Variants in ZC4H2 observed in about 807,000 individuals in gnomAD.
The protein encoded by ZC4H2 is zinc finger C4H2 domain-containing protein.
For synonymous variants in ZC4H2, 84 were observed against 66.3 expected, an observed-to-expected ratio of 1.27 and a Z score of -1.30; for missense variants, 137 against 173.9, an observed-to-expected ratio of 0.79 and a Z score of 1.19.
chrX:64,941,214 G>T (rs748340957), intron 1 of ZC4H2, among the ~76,000 whole-genome samples: 18 of 111,733 alleles, frequency 1.6e-4, no homozygotes, highest in Admixed American at 4.8e-4. Flanking sequence ...TTGGTGTATA[G>T]GAATGCTTGT....
At chrX:64,976,138 C>A (rs1931939138) in intron 1 of ZC4H2, among the ~76,000 whole-genome samples, 187 bp downstream of exon 1, 1 of 111,172 alleles carries the variant, frequency 9.0e-6, no homozygotes, top group Admixed American at 9.5e-5. Context: ...TCAGCCACAT[C>A]TGGCAAGAGG....
intron 1 of ZC4H2, among the ~76,000 whole-genome samples, chrX:65,004,195 A>G (rs12014422): frequency 0.12 from 13,858 of 111,521 alleles, 2,081 homozygotes; most frequent in African/African-American, 0.42. Flanking sequence ...TATTCCAAAC[A>G]GTAGAAATAG....
chrX:64,989,077 T>C (rs1473306239), intron 1 of ZC4H2, among the ~76,000 whole-genome samples: 2 of 111,994 alleles, frequency 1.8e-5, no homozygotes, highest in African/African-American at 6.5e-5. Flanking sequence ...CATTGATGTA[T>C]ATCTCTGTTT....
intron 1 of ZC4H2, among the ~76,000 whole-genome samples, chrX:64,968,014 T>A: frequency 9.0e-6 from 1 of 111,718 alleles, no homozygotes; most frequent in Admixed American, 9.5e-5. Flanking sequence ...AGAAAAGACA[T>A]TACCATGGGT....
At chrX:65,005,037 C>T (rs1047996352) in intron 1 of ZC4H2, among the ~76,000 whole-genome samples, 1 of 111,125 alleles carries the variant, frequency 9.0e-6, no homozygotes, top group African/African-American at 3.3e-5. Context: ...ATGTGAAGGA[C>T]CTCTTCAAAA....
At chrX:64,971,490 G>A (rs5964890) in intron 1 of ZC4H2, among the ~76,000 whole-genome samples, 2 of 111,504 alleles carry the variant, frequency 1.8e-5, no homozygotes, top group Non-Finnish European at 1.9e-5. Context: ...AGAGAAAGGG[G>A]AGTCAACATT....
At chrX:64,921,398 C>T (rs2147349227) in intron 2 of ZC4H2, among the ~76,000 whole-genome samples, 1 of 111,752 alleles carries the variant, frequency 8.9e-6, no homozygotes, top group East Asian at 2.8e-4. Context: ...AATGAGGAAG[C>T]TCCACTTTGG....
At chrX:64,950,345 C>T (rs751427205) in intron 1 of ZC4H2, among the ~76,000 whole-genome samples, 1 of 111,609 alleles carries the variant, frequency 9.0e-6, no homozygotes, top group Non-Finnish European at 1.9e-5. Flanking sequence ...GTGGAGAATT[C>T]TGTAGATGTC....
chrX:65,029,413 C>T (rs1363837054), intron 1 of ZC4H2, among the ~76,000 whole-genome samples: 1 of 111,404 alleles, frequency 9.0e-6, no homozygotes, highest in Non-Finnish European at 1.9e-5. Context: ...GAAATAGAGG[C>T]AGTGAATGTA....
chrX:64,992,110 G>T (rs1932320575), intron 1 of ZC4H2, among the ~76,000 whole-genome samples: 2 of 111,759 alleles, frequency 1.8e-5, no homozygotes, highest in South Asian at 7.5e-4. Context: ...CACTGAAAAT[G>T]TACTAAATTA....
chrX:65,011,247 A>G (rs1031556795), intron 1 of ZC4H2, among the ~76,000 whole-genome samples: 1 of 111,859 alleles, frequency 8.9e-6, no homozygotes, highest in Non-Finnish European at 1.9e-5. Context: ...GAGGCTCAAA[A>G]AGGTGAGTGA....
At chrX:64,963,989 A>C (rs1333816690) in intron 1 of ZC4H2, among the ~76,000 whole-genome samples, 2 of 111,280 alleles carry the variant, frequency 1.8e-5, no homozygotes, top group Non-Finnish European at 3.8e-5. Flanking sequence ...AAAATAGTCA[A>C]ATTCTTAGAA....
intron 1 of ZC4H2, among the ~76,000 whole-genome samples, chrX:64,955,695 T>G (rs1052727086): frequency 8.9e-6 from 1 of 112,015 alleles, no homozygotes; most frequent in African/African-American, 3.2e-5. Context: ...GTCTAACTAT[T>G]TTTTTCCTTG....
At position 64,924,046 on chromosome X, in the gene ZC4H2, C is replaced by T. The variant is rs147201797; in HGVS notation, c.54-2058G>A. On this transcript the variant is annotated intron_variant, in intron 1 of 4. Coordinates refer to ENST00000374839, the MANE Select transcript of ZC4H2 (RefSeq NM_018684.4). ...TCTATTCTCCTCCTTTTCTAGGTTA[C>T]GTGAAGATAAACCTGAACTTTGCCT... 7.2e-4 allele frequency among the ~76,000 whole-genome samples: 80 copies of T among 111,875 alleles called. No individual in the cohort carries two copies. In the East Asian group the frequency reaches 0.019, roughly 26 times the overall value.
At chrX:64,919,997 C>T (rs1929115106) in intron 3 of ZC4H2, 84 bp downstream of exon 3, 22 of 1,047,349 alleles carry the variant, frequency 2.1e-5, no homozygotes, top group Non-Finnish European at 2.8e-5. Context: ...TGTATGTATA[C>T]CTGCCCGTGT....
In ZC4H2 at chrX:64,920,202, A is replaced by C. The variant is rs1929135375; in HGVS notation, c.277T>G (p.Ser93Ala). Reference protein sequence around the residue: ...SENDLNKLLESTRRLHDEYKP... With the variant: ...SENDLNKLLEATRRLHDEYKP... ...TACTCATCATGCAGCCTCCTTGTAG[A>C]CTCTAGCAGCTTGTTTAGGTCATTC... Residue 93 changes from serine (S) to alanine (A), a missense_variant, in exon 3 of 5, where the codon TCT (serine) becomes GCT (alanine). Physicochemically the swap from Ser to Ala is moderately conservative, Grantham distance 99. Coordinates refer to ENST00000374839, the MANE Select transcript of ZC4H2 (RefSeq NM_018684.4). The C allele has an allele frequency of 1.1e-5, 13 of 1,208,686 alleles. No homozygotes were observed. In the East Asian group the frequency reaches 3.9e-4, roughly 36 times the overall value.
At chrX:64,925,158 C>T (rs1325963520) in intron 1 of ZC4H2, among the ~76,000 whole-genome samples, 2 of 111,935 alleles carry the variant, frequency 1.8e-5, no homozygotes, top group Admixed American at 9.5e-5. Context: ...TGGATATCTC[C>T]TTCACCAGAG....
chrX:64,930,455 C>T (rs761963938), intron 1 of ZC4H2, among the ~76,000 whole-genome samples: 7 of 111,590 alleles, frequency 6.3e-5, no homozygotes, highest in South Asian at 7.5e-4. Context: ...CCAGTTCTCA[C>T]GGGGAATGTT....
chrX:64,949,536 G>A (rs1416550795), intron 1 of ZC4H2, among the ~76,000 whole-genome samples: 1 of 111,770 alleles, frequency 8.9e-6, no homozygotes, highest in Non-Finnish European at 1.9e-5. Flanking sequence ...TAAGCACCCA[G>A]AGGAAAGGTA....
Sources: gnomAD v4.1 joint callset for allele counts (sites outside exome capture counted in the v4.1 genomes callset) on GRCh38, gnomAD v4.1.1 for gene constraint, MANE v1.5 for transcripts, NCBI Gene and HGNC (gene_info 2026-07-23, HGNC 2026-07-21) for gene names.